Variants in VTI1A observed in about 807,000 individuals in gnomAD.
The protein encoded by VTI1A is vesicle transport through interaction with t-SNAREs 1A.
VTI1A carries 22 observed loss-of-function variants against 34.9 expected under a neutral mutation model. The observed-to-expected ratio is 0.63, with a 90% confidence interval of 0.45 to 0.90. The LOEUF is 0.90. VTI1A is among the 40% of genes least tolerant of loss of function. VTI1A has a pLI of 0.00. For synonymous variants in VTI1A, 87 were observed against 97.3 expected, an observed-to-expected ratio of 0.89 and a Z score of 0.62; for missense variants, 268 against 275.6, an observed-to-expected ratio of 0.97 and a Z score of 0.20.
chr10:112,627,385 C>G (rs1428966140), intron 5 of VTI1A, among the ~76,000 whole-genome samples: 1 of 152,124 alleles, frequency 6.6e-6, no homozygotes, highest in Non-Finnish European at 1.5e-5. Flanking sequence ...GTTCAGCAAA[C>G]CCTAGTCCTT....
intron 4 of VTI1A, among the ~76,000 whole-genome samples, chr10:112,534,137 G>A (rs1397362452): frequency 6.6e-6 from 1 of 152,086 alleles, no homozygotes. Flanking sequence ...GTAGCATGCA[G>A]CACCCAAGTG....
chr10:112,795,354 A>G (rs1189187784), intron 7 of VTI1A, among the ~76,000 whole-genome samples: 1 of 152,018 alleles, frequency 6.6e-6, no homozygotes, highest in East Asian at 1.9e-4. Context: ...AGGACTTAGG[A>G]TAGTAGAAGT....
intron 7 of VTI1A, among the ~76,000 whole-genome samples, chr10:112,760,703 A>G (rs1222094398): frequency 6.6e-6 from 1 of 152,160 alleles, no homozygotes; most frequent in Non-Finnish European, 1.5e-5. Context: ...AGGCTGGCCA[A>G]CATGGTGAAA....
At chr10:112,537,316 T>TATATATATATATATAC (rs1850676463) in intron 4 of VTI1A, among the ~76,000 whole-genome samples, 1 of 86,918 alleles carries the variant, frequency 1.2e-5, no homozygotes, top group African/African-American at 5.0e-5. Context: ...TCTAGGTATA[T>TATATATATATATATAC]ATATATATAT....
At chr10:112,458,946 G>A (rs1180286255) in intron 1 of VTI1A, among the ~76,000 whole-genome samples, 1 of 152,098 alleles carries the variant, frequency 6.6e-6, no homozygotes, top group Non-Finnish European at 1.5e-5. Flanking sequence ...GGTTACAGGC[G>A]TGAGCCACCG....
At chr10:112,646,043 A>G (rs1313301963) in intron 5 of VTI1A, among the ~76,000 whole-genome samples, 1 of 145,050 alleles carries the variant, frequency 6.9e-6, no homozygotes, top group Non-Finnish European at 1.5e-5. Context: ...ATTTTTATTT[A>G]TGTGCCATAG....
intron 5 of VTI1A, among the ~76,000 whole-genome samples, chr10:112,587,195 C>T (rs1844194067): frequency 1.3e-5 from 2 of 152,104 alleles, no homozygotes; most frequent in African/African-American, 2.4e-5. Flanking sequence ...GCTTGTGCTA[C>T]TTCCAAAAAC....
chr10:112,528,357 A>G (rs113335757), intron 4 of VTI1A, among the ~76,000 whole-genome samples: 149 of 152,264 alleles, frequency 9.8e-4, no homozygotes, highest in Middle Eastern at 3.4e-3. Context: ...AGAGAGAAGA[A>G]TGACTGAGCT....
intron 5 of VTI1A, among the ~76,000 whole-genome samples, chr10:112,656,351 A>G (rs1445528625): frequency 6.6e-6 from 1 of 150,914 alleles, no homozygotes; most frequent in Non-Finnish European, 1.5e-5. Context: ...AAAATTCAAT[A>G]AACTGACTTA....
chr10:112,665,777 G>T (rs955033327), intron 5 of VTI1A, among the ~76,000 whole-genome samples: 1 of 152,062 alleles, frequency 6.6e-6, no homozygotes, highest in African/African-American at 2.4e-5. Context: ...AGAATAGGTC[G>T]CAAACTTTAT....
Position 112,538,328 on chromosome 10 carries a change from C to T in VTI1A, c.425C>T (p.Thr142Ile). The change falls in exon 5 of 8, where the codon ACC becomes ATC. Residue 142 changes from threonine to isoleucine, a missense_variant and splice_region_variant. Transcript: ENST00000393077. ...LEAGYQIAVE[T>I]EQIGQEMLEN... ...GCTGGATACCAAATAGCAGTGGAAA[C>T]CGGTAAGAATTCTGAGAGTGAGCAA... 4.3e-6 allele frequency: 7 copies of T among 1,613,232 alleles called. No individual in the cohort carries two copies. The highest frequency in any genetic ancestry group is 5.9e-6 in the Non-Finnish European group (7 of 1,179,574).
intron 3 of VTI1A, among the ~76,000 whole-genome samples, chr10:112,516,415 A>G (rs1849783158): frequency 6.6e-6 from 1 of 152,064 alleles, no homozygotes; most frequent in African/African-American, 2.4e-5. Context: ...TTTGTTGAAT[A>G]TATTTGCTTT....
the VTI1A span, among the ~76,000 whole-genome samples, chr10:112,827,883 GAT>G: frequency 1.3e-5 from 2 of 152,174 alleles, no homozygotes; most frequent in African/African-American, 2.4e-5. Context: ...AACTTGGAAA[GAT>G]AATATTCAAG....
At chr10:112,702,359 T>C (rs1849039637) in intron 7 of VTI1A, among the ~76,000 whole-genome samples, 2 of 152,198 alleles carry the variant, frequency 1.3e-5, no homozygotes, top group Admixed American at 6.5e-5. Flanking sequence ...CCAAATTCAG[T>C]ATTAAAACCA....
At chr10:112,454,671 A>G (rs1847364896) in intron 1 of VTI1A, among the ~76,000 whole-genome samples, 1 of 151,718 alleles carries the variant, frequency 6.6e-6, no homozygotes, top group South Asian at 2.1e-4. Flanking sequence ...CTATGCTAAG[A>G]CTTATGTGTA....
intron 7 of VTI1A, among the ~76,000 whole-genome samples, chr10:112,763,366 G>A (rs1040711137): frequency 6.6e-6 from 1 of 151,484 alleles, no homozygotes; most frequent in Non-Finnish European, 1.5e-5. Flanking sequence ...GTGAACCCGG[G>A]AGGCAGAGCT....
At position 112,464,543 on chromosome 10, in the gene VTI1A, C is replaced by T; in HGVS notation, c.154-4C>T. 1 of 1,609,800 alleles carries T rather than the reference C, an allele frequency of 6.2e-7. No individual in the cohort carries two copies. Among genetic ancestry groups the T allele is most frequent in the Non-Finnish European group, 8.5e-7 (1 of 1,177,396 alleles). On this transcript the variant is annotated splice_region_variant and splice_polypyrimidine_tract_variant and intron_variant, in intron 2 of 7. Coordinates refer to ENST00000393077, the MANE Select transcript of VTI1A (RefSeq NM_145206.4). ...TAAATCACATTTTTCTTTCCCTCTTCTAGCTTGAACAGATGGATTTGGAAG... is the reference window on the plus strand; with the variant it reads ...TAAATCACATTTTTCTTTCCCTCTTTTAGCTTGAACAGATGGATTTGGAAG...
chr10:112,602,867 T>C (rs977859897), intron 5 of VTI1A, among the ~76,000 whole-genome samples: 7 of 152,180 alleles, frequency 4.6e-5, no homozygotes, highest in African/African-American at 1.7e-4. Context: ...CCTTTATAGA[T>C]CAATTTTTTA....
intron 7 of VTI1A, among the ~76,000 whole-genome samples, chr10:112,688,198 C>T (rs1848490809): frequency 6.6e-6 from 1 of 152,018 alleles, no homozygotes; most frequent in Admixed American, 6.6e-5. Flanking sequence ...AGGTAATCTG[C>T]CCGCCTCAGC....
Sources: allele counts gnomAD v4.1 joint callset (sites outside exome capture counted in the v4.1 genomes callset), GRCh38; gene constraint gnomAD v4.1.1; transcripts MANE v1.5; gene names NCBI Gene and HGNC (gene_info 2026-07-23, HGNC 2026-07-21).